The following PLCH1 variants were observed in gnomAD, a reference collection of about 807,000 sequenced individuals.
PLCH1 encodes the protein phospholipase C eta 1.
In PLCH1, 60 loss-of-function variants were observed where a neutral mutation model predicts 126.7. The observed-to-expected ratio is 0.47, with a 90% confidence interval of 0.38 to 0.59. The LOEUF is 0.59. Ranked by LOEUF, PLCH1 falls within the 20% of genes least tolerant of loss-of-function variation. The pLI is 0.00. For synonymous variants in PLCH1, 719 were observed against 734.9 expected (o/e 0.98, Z 0.35); for missense variants, 1,723 against 2,040.0 (o/e 0.84, Z 2.99).
chr3:155,610,873 T>C (rs1245770693), intron 2 of PLCH1, among the ~76,000 whole-genome samples: 1 of 151,798 alleles, frequency 6.6e-6, no homozygotes, highest in Non-Finnish European at 1.5e-5. Context: ...TCAATACTAA[T>C]GTTGAATATA....
chr3:155,474,862 G>A (rs866693385), intron 21 of PLCH1, among the ~76,000 whole-genome samples: 81 of 126,488 alleles, frequency 6.4e-4, no homozygotes, highest in Middle Eastern at 7.4e-3. Context: ...TCACTCATAG[G>A]TGGGAGTTGA....
intron 10 of PLCH1, among the ~76,000 whole-genome samples, chr3:155,546,185 CAA>C (rs1725249727): frequency 6.6e-6 from 1 of 152,160 alleles, no homozygotes; most frequent in Non-Finnish European, 1.5e-5. Flanking sequence ...GCAACTTCAG[CAA>C]AGTCTCAGGA....
intron 2 of PLCH1, chr3:155,675,968 T>C: frequency 8.0e-7 from 1 of 1,249,100 alleles, no homozygotes; most frequent in Non-Finnish European, 1.1e-6. Context: ...CTATTACACT[T>C]ACCTTAAAAT....
intron 2 of PLCH1, among the ~76,000 whole-genome samples, chr3:155,619,295 TAC>T (rs1736168727): frequency 1.3e-5 from 1 of 76,604 alleles, no homozygotes; most frequent in Non-Finnish European, 2.4e-5. Flanking sequence ...CAGGGCAGTG[TAC>T]AGTACAGGAG....
At chr3:155,711,020 T>C (rs576127319) in intron 1 of PLCH1, among the ~76,000 whole-genome samples, 2 of 151,626 alleles carry the variant, frequency 1.3e-5, no homozygotes, top group East Asian at 3.9e-4. Flanking sequence ...TCTACTTCTT[T>C]TGCTTAATAA....
intron 1 of PLCH1, among the ~76,000 whole-genome samples, chr3:155,737,568 G>T (rs559255428): frequency 6.6e-6 from 1 of 151,978 alleles, no homozygotes; most frequent in Non-Finnish European, 1.5e-5. Flanking sequence ...AAATCAGAGG[G>T]TCTTCACATA....
intron 2 of PLCH1, among the ~76,000 whole-genome samples, chr3:155,604,303 C>T (rs894619396): frequency 6.6e-6 from 1 of 152,140 alleles, no homozygotes; most frequent in Admixed American, 6.5e-5. Context: ...AATGTGCTTA[C>T]AAACAACCAT....
At position 155,458,498 on chromosome 3, in the gene PLCH1, GAGAAA is replaced by G. The variant is rs1712569757; in HGVS notation, c.2938+26853_2938+26857del. 1.9e-4 allele frequency among the ~76,000 whole-genome samples: 13 copies of G among 69,768 alleles called. 1 individual carries two copies. In the African/African-American group the frequency reaches 2.1e-3, roughly 11 times the overall value. The allele number at this position is 69,768 out of a possible 152,430, so 45.8% of individuals were successfully genotyped here. On this transcript the variant is annotated intron_variant, in intron 21 of 21. Coordinates refer to the PLCH1 transcript ENST00000494598. The stretch of plus-strand genomic sequence containing the variant: ...AGAAAGAAAGAAAGAAAGAAAGAAA[GAGAAA>G]GAAGAGAGAGAAATAAGAAAGAGAA...
At chr3:155,572,074 A>AG (rs1235816704) in intron 6 of PLCH1, among the ~76,000 whole-genome samples, 1 of 152,216 alleles carries the variant, frequency 6.6e-6, no homozygotes, top group East Asian at 1.9e-4. Context: ...AGTTCCACAT[A>AG]ATCAAAGGCA....
chr3:155,475,464 AAAG>A (rs1451379415), downstream of PLCH1, among the ~76,000 whole-genome samples: 5 of 152,070 alleles, frequency 3.3e-5, no homozygotes. Context: ...AATAAATAAT[AAAG>A]ATCAGAGCAC....
At chr3:155,639,093 G>A (rs1490176540) in intron 2 of PLCH1, among the ~76,000 whole-genome samples, 4 of 152,186 alleles carry the variant, frequency 2.6e-5, no homozygotes, top group Admixed American at 6.5e-5. Context: ...AAATAAATGA[G>A]TAAATGAAAA....
Position 155,492,801 on chromosome 3 carries a change from C to G in PLCH1, c.2235G>C (p.Gln745His), listed in dbSNP as rs757881828. 1.2e-5 allele frequency: 19 copies of G among 1,604,776 alleles called. No homozygotes were observed. The highest frequency in any genetic ancestry group is 1.5e-5 in the Non-Finnish European group (18 of 1,176,068). The change falls in exon 18 of 23, where the codon CAG becomes CAC. Residue 745 changes from glutamine (Q) to histidine (H), a missense_variant. Coordinates refer to ENST00000460012, the MANE Select transcript of PLCH1 (RefSeq NM_014996.4). ...GTCCACTGATAACTTTCAGGATGAGCTGCTTTTTGGGGTTGGCAGGAAGAG... is the reference window on the plus strand; with the variant it reads ...GTCCACTGATAACTTTCAGGATGAGGTGCTTTTTGGGGTTGGCAGGAAGAG... ...GDPLPANPKK[Q>H]LILKVISGQQ...
chr3:155,724,102 G>A (rs1748145756), intron 1 of PLCH1, among the ~76,000 whole-genome samples: 1 of 152,110 alleles, frequency 6.6e-6, no homozygotes, highest in Non-Finnish European at 1.5e-5. Context: ...TGTGGTCTGA[G>A]AGACTACTTG....
rs371204008 is a variant in PLCH1, at chr3:155,728,262, A to T, written c.-41+16578T>A. ...TGGTAATTCATATTCAGAGCCACAG[A>T]TCCATGCAGTTTGACAGCCAAATCA... On this transcript the variant is annotated intron_variant, in intron 1 of 22. Coordinates refer to ENST00000460012, the MANE Select transcript of PLCH1 (RefSeq NM_014996.4). 1.1e-4 allele frequency among the ~76,000 whole-genome samples: 17 copies of T among 152,292 alleles called. No homozygotes were observed. The East Asian group carries it at 1.2e-3, about 10-fold the overall frequency.
At chr3:155,743,068 T>A (rs1188872757) in intron 1 of PLCH1, 5 of 291,890 alleles carry the variant, frequency 1.7e-5, no homozygotes, top group African/African-American at 1.2e-4. Flanking sequence ...TAGGTACCAA[T>A]CATGCTGCCA....
intron 21 of PLCH1, among the ~76,000 whole-genome samples, chr3:155,466,090 G>A (rs945237342): frequency 1.3e-5 from 2 of 152,190 alleles, no homozygotes; most frequent in Non-Finnish European, 2.9e-5. Context: ...ACCCAGGCAT[G>A]GTTGGCTTTG....
intron 2 of PLCH1, among the ~76,000 whole-genome samples, chr3:155,614,182 T>C (rs373082021): frequency 6.6e-6 from 1 of 152,140 alleles, no homozygotes. Flanking sequence ...TCCATGCTCA[T>C]GGACAGGTAG....
intron 2 of PLCH1, among the ~76,000 whole-genome samples, chr3:155,659,299 C>CTTTTTTTT (rs1559906914): frequency 1.8e-5 from 1 of 55,448 alleles, no homozygotes; most frequent in African/African-American, 6.1e-5. Flanking sequence ...TGTCTATTCA[C>CTTTTTTTT]TTCTTTTTTT....
chr3:155,564,393 C>T (rs1728037745), intron 8 of PLCH1, among the ~76,000 whole-genome samples: 1 of 152,052 alleles, frequency 6.6e-6, no homozygotes, highest in South Asian at 2.1e-4. Context: ...GAAACCCCGT[C>T]TCTACTAAAA....
Sources: allele counts gnomAD v4.1 joint callset (sites outside exome capture counted in the v4.1 genomes callset), GRCh38; gene constraint gnomAD v4.1.1; transcripts MANE v1.5; gene names NCBI Gene and HGNC (gene_info 2026-07-23, HGNC 2026-07-21).